Variants in STX18 observed in about 807,000 individuals in gnomAD.
STX18 encodes the protein syntaxin 18, also known as syntaxin-18.
A neutral mutation model predicts 50.1 loss-of-function variants in STX18; 40 were observed. That is an observed-to-expected ratio of 0.80 (90% CI 0.62 to 1.04). The LOEUF (loss-of-function observed/expected upper bound fraction) is 1.04, where lower values mean the gene tolerates loss of function less well. STX18 is among the 50% of genes least tolerant of loss of function. The pLI is 0.00. For missense variants in STX18, 410 were observed against 415.8 expected (o/e 0.99, Z 0.12); for synonymous variants, 158 against 151.8 (o/e 1.04, Z -0.30).
intron 9 of STX18, among the ~76,000 whole-genome samples, chr4:4,421,197 C>A (rs1352732341): frequency 2.0e-5 from 3 of 152,132 alleles, no homozygotes; most frequent in Non-Finnish European, 4.4e-5. Flanking sequence ...TGCATAGCCA[C>A]AAATCCTCAC....
chr4:4,473,812 G>A (rs888727756), intron 1 of STX18, among the ~76,000 whole-genome samples: 3 of 152,136 alleles, frequency 2.0e-5, no homozygotes, highest in East Asian at 3.9e-4. Flanking sequence ...AGGGAAATGC[G>A]TGGGTAGAAT....
At chr4:4,452,522 A>G (rs1726811786) in intron 5 of STX18, among the ~76,000 whole-genome samples, 2 of 152,214 alleles carry the variant, frequency 1.3e-5, no homozygotes, top group South Asian at 4.1e-4. Flanking sequence ...TTTAAGCTGA[A>G]GCCGATGCTC....
chr4:4,500,456 T>C (rs1317604874), intron 1 of STX18, among the ~76,000 whole-genome samples: 4 of 152,198 alleles, frequency 2.6e-5, no homozygotes, highest in Non-Finnish European at 4.4e-5. Context: ...TTGGGTTTTA[T>C]AAGTAATCCA....
intron 1 of STX18, among the ~76,000 whole-genome samples, chr4:4,509,913 G>C (rs1161314954): frequency 6.6e-6 from 1 of 152,194 alleles, no homozygotes; most frequent in Non-Finnish European, 1.5e-5. Context: ...CCTAAGACAG[G>C]TGTGTATCAA....
intron 1 of STX18, among the ~76,000 whole-genome samples, chr4:4,509,937 AC>A (rs1220601766): frequency 6.6e-6 from 1 of 152,198 alleles, no homozygotes; most frequent in East Asian, 1.9e-4. Context: ...TGCGTGAAGA[AC>A]AGCAAGGAGA....
chr4:4,492,017 T>C (rs1410309321), intron 1 of STX18, among the ~76,000 whole-genome samples: 1 of 152,176 alleles, frequency 6.6e-6, no homozygotes, highest in African/African-American at 2.4e-5. Context: ...AGTACAATTA[T>C]TTTACATTTT....
At chr4:4,435,324 C>G (rs1048610080) in intron 6 of STX18, among the ~76,000 whole-genome samples, 1 of 152,092 alleles carries the variant, frequency 6.6e-6, no homozygotes, top group Admixed American at 6.6e-5. Context: ...ATACTGTTCT[C>G]CAATCCTATT....
At chr4:4,526,855 AT>A (rs1229135017) in intron 1 of STX18, among the ~76,000 whole-genome samples, 1 of 152,130 alleles carries the variant, frequency 6.6e-6, no homozygotes, top group East Asian at 1.9e-4. Flanking sequence ...CAAGTAAGGT[AT>A]TTTTTTAGGA....
At chr4:4,473,923 T>G (rs1031099104) in intron 1 of STX18, among the ~76,000 whole-genome samples, 15 of 152,180 alleles carry the variant, frequency 9.9e-5, no homozygotes, top group African/African-American at 3.4e-4. Flanking sequence ...GTCATCTCAG[T>G]GTCTAAACAA....
At chr4:4,421,132 G>A (rs1325122606) in intron 9 of STX18, among the ~76,000 whole-genome samples, 188 bp from the exon 10 acceptor site, 1 of 152,138 alleles carries the variant, frequency 6.6e-6, no homozygotes, top group Non-Finnish European at 1.5e-5. Context: ...CCTCCTCCCT[G>A]AAGCGTATAT....
At chr4:4,452,060 G>A (rs777317472) in intron 5 of STX18, among the ~76,000 whole-genome samples, 7 of 152,182 alleles carry the variant, frequency 4.6e-5, no homozygotes, top group Non-Finnish European at 7.3e-5. Flanking sequence ...CCTTATTGCC[G>A]ATGGGAGAAA....
chr4:4,420,051 C>G lies in STX18; in HGVS notation c.991G>C (p.Asp331His). Residue 331 changes from aspartate to histidine, a missense_variant, in exon 11 of 11, where the codon GAC becomes CAC. Asp to His is a moderately conservative substitution (Grantham distance 81). Transcript: ENST00000306200. The surrounding 1 kb of genome is among the most constrained non-coding windows in gnomAD (Gnocchi z 4.3). ...VMCSFSLLFL[D>H]WYDS The stretch of plus-strand genomic sequence containing the variant: ...GGCCCTGGCTAGCTGTCGTACCAGT[C>G]GAGGAAGAGCAAGGAGAAGGAGCAC... The G allele has an allele frequency of 1.9e-6, 3 of 1,612,582 alleles. No individual in the cohort carries two copies. The highest frequency in any genetic ancestry group is 2.5e-6 in the Non-Finnish European group (3 of 1,179,376).
At chr4:4,427,104 G>A (rs888935972) in intron 7 of STX18, among the ~76,000 whole-genome samples, 2 of 152,184 alleles carry the variant, frequency 1.3e-5, no homozygotes, top group Non-Finnish European at 2.9e-5. Context: ...CTCTGTGGAA[G>A]GCAGCTGTCC....
intron 1 of STX18, among the ~76,000 whole-genome samples, chr4:4,504,313 C>G (rs1729593840): frequency 6.6e-6 from 1 of 152,056 alleles, no homozygotes; most frequent in Admixed American, 6.5e-5. Context: ...TTCAGATTTA[C>G]TTCTTATGTA....
At chr4:4,451,608 T>G (rs1726754991) in intron 5 of STX18, among the ~76,000 whole-genome samples, 1 of 152,220 alleles carries the variant, frequency 6.6e-6, no homozygotes, top group South Asian at 2.1e-4. Flanking sequence ...TCATTATTAT[T>G]ATATTTCTGA....
At chr4:4,497,154 G>A (rs992069048) in intron 1 of STX18, among the ~76,000 whole-genome samples, 12 of 152,176 alleles carry the variant, frequency 7.9e-5, no homozygotes, top group Admixed American at 3.9e-4. Context: ...AGGGCCAGGC[G>A]AGGGCAAGAA....
chr4:4,493,023 T>A (rs527940858), intron 1 of STX18, among the ~76,000 whole-genome samples: 5 of 152,308 alleles, frequency 3.3e-5, no homozygotes, highest in African/African-American at 1.2e-4. Context: ...CATTATATTT[T>A]TAAAAACCCA....
intron 1 of STX18, among the ~76,000 whole-genome samples, chr4:4,516,365 T>C (rs1730268820): frequency 6.6e-6 from 1 of 152,230 alleles, no homozygotes; most frequent in Non-Finnish European, 1.5e-5. Flanking sequence ...ATCCAGTCTT[T>C]GAATATAACT....
chr4:4,447,677 T>A lies in STX18; in HGVS notation c.498-9168A>T, dbSNP rs1726501689. 2.0e-5 allele frequency among the ~76,000 whole-genome samples: 3 copies of A among 147,608 alleles called. No homozygotes were observed. In the South Asian group the frequency reaches 6.5e-4, roughly 32 times the overall value. ...TTCTTGTTAGAGTTACTGCTTTATA[T>A]GTAAGTGCTAACTCAGCACAGTCTA... is the stretch of plus-strand genomic sequence containing the variant. On this transcript the variant is annotated intron_variant, in intron 5 of 10. Coordinates refer to ENST00000306200, the MANE Select transcript of STX18 (RefSeq NM_016930.4).
Sources: gnomAD v4.1 joint callset for allele counts (sites outside exome capture counted in the v4.1 genomes callset) on GRCh38, gnomAD v4.1.1 for gene constraint, Gnocchi (gnomAD v3.1) non-coding constraint, MANE v1.5 for transcripts, NCBI Gene and HGNC (gene_info 2026-07-23, HGNC 2026-07-21) for gene names.